The following PCDHA7 variants were observed in gnomAD, a reference collection of about 807,000 sequenced individuals.
PCDHA7 encodes protocadherin alpha-7.
PCDHA7 carries 37 observed loss-of-function variants against 57.2 expected under a neutral mutation model. The observed-to-expected ratio is 0.65, with a 90% CI of 0.50 to 0.85. The LOEUF (loss-of-function observed/expected upper bound fraction) is 0.85. Ranked by LOEUF, PCDHA7 falls within the 40% of genes least tolerant of loss-of-function variation. PCDHA7 has a pLI of 0.00. For missense variants in PCDHA7, 1,188 were observed against 1,241.8 expected (o/e 0.96, Z 0.65); for synonymous variants, 553 against 558.8 (o/e 0.99, Z 0.15).
At chr5:140,937,150 G>C (rs2153631833) in intron 1 of PCDHA7, among the ~76,000 whole-genome samples, 1 of 149,812 alleles carries the variant, frequency 6.7e-6, no homozygotes, top group East Asian at 2.0e-4. Context: ...CCATTCTCCT[G>C]CCTCAGCCTC....
Position 140,982,372 on chromosome 5 carries a change from C to G in PCDHA7, c.2415-103C>G, listed in dbSNP as rs1479669249. 1.9e-6 allele frequency: 3 copies of G among 1,554,840 alleles called. No homozygotes were observed. In the East Asian group the frequency reaches 7.0e-5, roughly 36 times the overall value. ...TTCAAGCATGAGCAGAATGTGTTAG[C>G]TGCAGCCCTGGCTTCATAGTTGTAA... On this transcript the variant is annotated intron_variant, in intron 2 of 3. Coordinates refer to ENST00000525929, the MANE Select transcript of PCDHA7 (RefSeq NM_018910.3).
chr5:140,837,476 A>G (rs1775072155), intron 1 of PCDHA7, among the ~76,000 whole-genome samples: 1 of 151,156 alleles, frequency 6.6e-6, no homozygotes, highest in African/African-American at 2.4e-5. Flanking sequence ...TCAAACCCCA[A>G]ACCATTTACT....
intron 1 of PCDHA7, among the ~76,000 whole-genome samples, chr5:140,954,686 G>T (rs962904413): frequency 6.6e-6 from 1 of 152,024 alleles, no homozygotes; most frequent in African/African-American, 2.4e-5. Context: ...TTGTCAGATG[G>T]ATAGACTACA....
chr5:140,882,136 A>T (rs2058967821), intron 1 of PCDHA7: 14 of 1,486,890 alleles, frequency 9.4e-6, no homozygotes, highest in Non-Finnish European at 1.3e-5. Context: ...TCCTGCAGAA[A>T]ATATAGCAGA....
chr5:140,934,706 T>G (rs141577289), intron 1 of PCDHA7, among the ~76,000 whole-genome samples: 348 of 152,292 alleles, frequency 2.3e-3, no homozygotes, highest in African/African-American at 8.1e-3. Context: ...CCTGGCCATC[T>G]TACAAAAAGG....
At chr5:140,841,320 A>T in intron 1 of PCDHA7, 1 of 1,602,072 alleles carries the variant, frequency 6.2e-7, no homozygotes, top group African/African-American at 1.3e-5. Context: ...CGACTATTTA[A>T]CATGGATTAT....
In PCDHA7 at chr5:140,982,464, T is replaced by C; in HGVS notation, c.2415-11T>C. 6.2e-7 allele frequency: 1 copy of C among 1,614,112 alleles called. No individual in the cohort carries two copies. Among genetic ancestry groups the C allele is most frequent in the Non-Finnish European group, 8.5e-7 (1 of 1,180,010 alleles). ...GATCTAACCGTTATCTGGGTCTGTG[T>C]GTTTATTCAGCTCTGTGCACCTAGA... On this transcript the variant is annotated splice_polypyrimidine_tract_variant and intron_variant, in intron 2 of 3. Coordinates refer to ENST00000525929, the MANE Select transcript of PCDHA7 (RefSeq NM_018910.3).
At chr5:140,904,725 C>A (rs1554191671) in intron 1 of PCDHA7, among the ~76,000 whole-genome samples, 1 of 152,050 alleles carries the variant, frequency 6.6e-6, no homozygotes, top group Non-Finnish European at 1.5e-5. Context: ...TGGCCAACAT[C>A]TATTATTTTT....
intron 1 of PCDHA7, chr5:140,968,562 C>T (rs1210264786): frequency 4.3e-6 from 7 of 1,614,090 alleles, no homozygotes; most frequent in Non-Finnish European, 8.5e-7. Context: ...CGAACTGCCC[C>T]TGCTGGCTAC....
chr5:140,937,648 CACGCCTGTAATCCCAGCACT>C (rs1554211703), intron 1 of PCDHA7, among the ~76,000 whole-genome samples: 3 of 150,626 alleles, frequency 2.0e-5, no homozygotes, highest in South Asian at 4.2e-4. Flanking sequence ...CATGGTGGCT[CACGCCTGTAATCCCAGCACT>C]TTGGGAGGCT....
At position 140,872,763 on chromosome 5, in the gene PCDHA7, G is replaced by T. The variant is rs560485194; in HGVS notation, c.2355+36025G>T. The stretch of plus-strand genomic sequence containing the variant: ...AACTTGCTAAAGACATGCATATAGG[G>T]CTATATTATCTATAATATATGCTAG... On this transcript the variant is annotated intron_variant, in intron 1 of 3. Transcript: ENST00000525929. Among the ~76,000 whole-genome samples, 293 of 152,126 alleles carry T rather than the reference G, an allele frequency of 1.9e-3. 2 individuals are homozygous for T. The highest frequency in any genetic ancestry group is 3.6e-3 in the Non-Finnish European group (245 of 67,974).
chr5:140,857,359 G>T lies in PCDHA7; in HGVS notation c.2355+20621G>T, dbSNP rs200721411. ...GGGGCTCGCCTCCGCTGTGGGCCAC[G>T]GCCAGCGTGTCTGTGGAGGTGGCCG... On this transcript the variant is annotated intron_variant, in intron 1 of 3. Coordinates refer to ENST00000525929, the MANE Select transcript of PCDHA7 (RefSeq NM_018910.3). 3 of 1,598,398 alleles carry T rather than the reference G, an allele frequency of 1.9e-6. No individual in the cohort carries two copies. The South Asian group carries it at 3.3e-5, about 18-fold the overall frequency.
At position 140,899,912 on chromosome 5, in the gene PCDHA7, A is replaced by G. The variant is rs574794282; in HGVS notation, c.2355+63174A>G. The stretch of plus-strand genomic sequence containing the variant: ...AGCCTTGACATCCTGGGCTCAAGCA[A>G]TCCTCCTGCCTCAGCCTCCTGAATA... On this transcript the variant is annotated intron_variant, in intron 1 of 3. Transcript: ENST00000525929. Among the ~76,000 whole-genome samples the G allele has an allele frequency of 2.0e-5, 3 of 152,154 alleles. No homozygotes were observed. In the East Asian group the frequency reaches 5.8e-4, roughly 29 times the overall value.
At chr5:140,928,532 A>G (rs781788985) in intron 1 of PCDHA7, 42 of 1,614,110 alleles carry the variant, frequency 2.6e-5, no homozygotes, top group Middle Eastern at 1.6e-4. Flanking sequence ...TTTGTGGTAG[A>G]TAGGAATGAC....
At chr5:141,006,372 C>T (rs781874533) in intron 3 of PCDHA7, among the ~76,000 whole-genome samples, 10 of 151,926 alleles carry the variant, frequency 6.6e-5, no homozygotes, top group Non-Finnish European at 1.0e-4. Context: ...CCACCACGCC[C>T]GGCTAAGTTT....
chr5:140,898,628 C>T (rs1305030651), intron 1 of PCDHA7, among the ~76,000 whole-genome samples: 2 of 152,176 alleles, frequency 1.3e-5, no homozygotes, highest in African/African-American at 4.8e-5. Context: ...TAGCATAATG[C>T]CTCCAGCTTT....
chr5:140,927,706 C>G lies in PCDHA7; in HGVS notation c.2356-51243C>G, dbSNP rs1584519766. The G allele has an allele frequency of 1.2e-6, 2 of 1,614,108 alleles. No homozygotes were observed. Among genetic ancestry groups the G allele is most frequent in the African/African-American group, 2.7e-5 (2 of 74,940 alleles). Reference sequence around the variant, plus strand: ...GTCCAATGGGGAAGTCCAGTACTCCCTAAGCAACAGCACGCAAGCAGAGCT... The same window carrying G: ...GTCCAATGGGGAAGTCCAGTACTCCGTAAGCAACAGCACGCAAGCAGAGCT... On this transcript the variant is annotated intron_variant, in intron 1 of 3. Coordinates refer to ENST00000525929, the MANE Select transcript of PCDHA7 (RefSeq NM_018910.3).
intron 3 of PCDHA7, among the ~76,000 whole-genome samples, chr5:141,002,329 A>C (rs2098072323): frequency 6.6e-6 from 1 of 152,226 alleles, no homozygotes; most frequent in Non-Finnish European, 1.5e-5. Context: ...GCCGGGCTGC[A>C]TCCGCACCCC....
At chr5:140,913,160 G>T (rs1437493261) in intron 1 of PCDHA7, among the ~76,000 whole-genome samples, 4 of 152,156 alleles carry the variant, frequency 2.6e-5, no homozygotes, top group African/African-American at 9.7e-5. Flanking sequence ...AGTAGGATTG[G>T]TATTAGTTCT....
Sources: gnomAD v4.1 joint callset for allele counts (sites outside exome capture counted in the v4.1 genomes callset) on GRCh38, gnomAD v4.1.1 for gene constraint, MANE v1.5 for transcripts, NCBI Gene and HGNC (gene_info 2026-07-23, HGNC 2026-07-21) for gene names.